The following SMARCE1 variants were observed in gnomAD, a reference collection of about 807,000 sequenced individuals.
SMARCE1 encodes the protein SWI/SNF related BAF chromatin remodeling complex subunit E1.
A neutral mutation model predicts 54.9 loss-of-function variants in SMARCE1; 13 were observed. That is an observed-to-expected ratio of 0.24 (90% CI 0.15 to 0.38). The LOEUF (loss-of-function observed/expected upper bound fraction) is 0.38, where lower values mean the gene tolerates loss of function less well. Ranked by LOEUF, SMARCE1 falls within the 10% of genes least tolerant of loss-of-function variation. The pLI, the probability that SMARCE1 is intolerant of heterozygous loss-of-function variation, is 1.00. For missense variants in SMARCE1, 295 were observed against 523.8 expected (o/e 0.56, Z 4.26); for synonymous variants, 151 against 175.3 (o/e 0.86, Z 1.10).
chr17:40,642,444 G>C lies in SMARCE1; in HGVS notation c.156+11C>G. On this transcript the variant is annotated intron_variant, in intron 4 of 10. Coordinates refer to ENST00000348513, the MANE Select transcript of SMARCE1 (RefSeq NM_003079.5). The surrounding 1 kb of genome is among the most constrained non-coding windows in gnomAD (Gnocchi z 4.6). ...TTGTTTGCCGGATGCTGTAATAGTT[G>C]ATTCTCCTACCGTGACCCGGCTGTT... 6.7e-7 allele frequency: 1 copy of C among 1,499,162 alleles called. No individual in the cohort carries two copies. Among genetic ancestry groups the C allele is most frequent in the Non-Finnish European group, 9.3e-7 (1 of 1,075,162 alleles). 92.9% of individuals were successfully genotyped at this position (1,499,162 alleles called of 1,614,324 possible).
In SMARCE1 at chr17:40,630,736, G is replaced by T; in HGVS notation, c.1005C>A (p.Asp335Glu). Residue 335 changes from aspartate to glutamate, a missense_variant, in exon 10 of 11, where the codon GAC (aspartate) becomes GAA (glutamate). Asp to Glu is a conservative substitution (Grantham distance 45). Around this residue, in one of 5 missense-constraint regions of SMARCE1, gnomAD observed 147 missense variants for 161.4 expected, o/e 0.91. Transcript: ENST00000348513. ...TACCTGTCTCCATCGGAATGTTCTC[G>T]TCGTCTTTCTTCTCCTCGCCTTTGT... The part of the protein sequence containing the change: ...AANKGEEKKD[D>E]ENIPMETEET... The T allele has an allele frequency of 1.2e-6, 2 of 1,614,036 alleles. No homozygotes were observed. Among genetic ancestry groups the T allele is most frequent in the Non-Finnish European group, 1.7e-6 (2 of 1,179,954 alleles).
At chr17:40,635,887 C>A (rs934377251) in intron 7 of SMARCE1, 44 bp downstream of exon 7, 1 of 1,399,396 alleles carries the variant, frequency 7.1e-7, no homozygotes, top group Non-Finnish European at 9.6e-7. Flanking sequence ...CATATCTTAA[C>A]TCACAGAGAA....
Position 40,628,448 on chromosome 17 carries a change from C to A in SMARCE1, c.*337G>T, listed in dbSNP as rs1597741013. 8 of 242,278 alleles carry A rather than the reference C, an allele frequency of 3.3e-5. No homozygotes were observed. Among genetic ancestry groups the A allele is most frequent in the Non-Finnish European group, 6.5e-5 (8 of 123,750 alleles). 15.0% of individuals were successfully genotyped at this position (242,278 alleles called of 1,614,324 possible). On this transcript the variant is annotated 3_prime_UTR_variant, in exon 11 of 11. Coordinates refer to ENST00000348513, the MANE Select transcript of SMARCE1 (RefSeq NM_003079.5). ...TTAAAGCTATGGCTTTGGTAAGCAC[C>A]CCAGTGAGCTGTAGGAAGGCATTGT...
Position 40,636,277 on chromosome 17 carries a change from A to C in SMARCE1, c.369+118T>G, listed in dbSNP as rs1353867110. On this transcript the variant is annotated intron_variant, in intron 6 of 10. Transcript: ENST00000348513. ...TGAGAAACTGACTTGACTCAGGTAGACAGAGCCTCAGTACTGCATCAGTGT... is the reference window on the plus strand; with the variant it reads ...TGAGAAACTGACTTGACTCAGGTAGCCAGAGCCTCAGTACTGCATCAGTGT... 8 of 1,220,490 alleles carry C rather than the reference A, an allele frequency of 6.6e-6. No individual in the cohort carries two copies. In the Admixed American group the frequency reaches 1.6e-4, roughly 25 times the overall value. 75.6% of individuals were successfully genotyped at this position (1,220,490 alleles called of 1,614,324 possible).
intron 4 of SMARCE1, among the ~76,000 whole-genome samples, chr17:40,638,520 G>A (rs559729903): frequency 6.6e-6 from 1 of 152,132 alleles, no homozygotes; most frequent in Admixed American, 6.5e-5. Flanking sequence ...TTTTTCCTGT[G>A]GCTTAAAGTC....
chr17:40,632,966 G>A (rs2037110239), intron 7 of SMARCE1: 1 of 152,440 alleles, frequency 6.6e-6, no homozygotes, highest in South Asian at 2.1e-4. Context: ...TTGTCAGTGT[G>A]TAATGGTATG....
rs1041637796 is a variant in SMARCE1 at position 40,627,007 on chromosome 17, A to G, written c.*1778T>C. On this transcript the variant is annotated 3_prime_UTR_variant, in exon 11 of 11. Transcript: ENST00000348513. Reference sequence around the variant, plus strand: ...CCATTCTCTTAGAGCTTTCGATACCACAGTAAATAACCTGGTATCTTGCTG... The same window carrying G: ...CCATTCTCTTAGAGCTTTCGATACCGCAGTAAATAACCTGGTATCTTGCTG... 1.3e-5 allele frequency: 2 copies of G among 152,150 alleles called. No homozygotes were observed. The highest frequency in any genetic ancestry group is 4.8e-5 in the African/African-American group (2 of 41,426). 9.4% of individuals were successfully genotyped at this position (152,150 alleles called of 1,614,324 possible).
rs1199946263 is a variant in SMARCE1 at position 40,642,829 on chromosome 17, T to C, written c.52-270A>G. 1.9e-5 allele frequency: 8 copies of C among 418,378 alleles called. No homozygotes were observed. Among genetic ancestry groups the C allele is most frequent in the Admixed American group, 4.2e-5 (1 of 23,742 alleles). The allele number at this position is 418,378 out of a possible 1,614,324, so 25.9% of individuals were successfully genotyped here. The stretch of plus-strand genomic sequence containing the variant: ...TGTGACTGTGAATGTGTGTTTTGTT[T>C]TTTGAGGTAAGCAACACACTGAAGT... On this transcript the variant is annotated intron_variant, in intron 3 of 10. Transcript: ENST00000348513. The surrounding 1 kb of genome is among the most constrained non-coding windows in gnomAD (Gnocchi z 4.6).
chr17:40,642,518 G>A lies in SMARCE1; in HGVS notation c.93C>T (p.Tyr31=). The part of the protein sequence containing the change: ...STPGFVGYNP[Y]SHLAYNNYRL... Reference sequence around the variant, plus strand: ...TGTAGTTGTTGTAGGCGAGATGACTGTATGGATTGTATCCCACAAACCCTG... The same window carrying A: ...TGTAGTTGTTGTAGGCGAGATGACTATATGGATTGTATCCCACAAACCCTG... Residue 31 remains tyrosine (Y), a synonymous_variant, in exon 4 of 11, where the codon TAC becomes TAT. Transcript: ENST00000348513. The surrounding 1 kb of genome is among the most constrained non-coding windows in gnomAD (Gnocchi z 4.6). The A allele has an allele frequency of 6.2e-7, 1 of 1,612,084 alleles. No individual in the cohort carries two copies. Among genetic ancestry groups the A allele is most frequent in the Non-Finnish European group, 8.5e-7 (1 of 1,179,452 alleles).
chr17:40,645,772 A>G, intron 2 of SMARCE1, 24 bp downstream of exon 2: 1 of 1,133,866 alleles, frequency 8.8e-7, no homozygotes, highest in Non-Finnish European at 1.2e-6. Context: ...ACATAGATTG[A>G]TAAATATAAA....
Position 40,628,677 on chromosome 17 carries a change from G to A in SMARCE1, c.*108C>T. On this transcript the variant is annotated 3_prime_UTR_variant, in exon 11 of 11. Coordinates refer to ENST00000348513, the MANE Select transcript of SMARCE1 (RefSeq NM_003079.5). ...ATGGTCCAAAAGCCTTTGGTGGTGT[G>A]ATATGGACAAGAAAAAAAATTAATA... The A allele has an allele frequency of 1.2e-6, 1 of 819,414 alleles. No individual in the cohort carries two copies. The highest frequency in any genetic ancestry group is 2.0e-6 in the Non-Finnish European group (1 of 501,866). The allele number at this position is 819,414 out of a possible 1,614,324, so 50.8% of individuals were successfully genotyped here.
Position 40,627,709 on chromosome 17 carries a change from C to A in SMARCE1, c.*1076G>T, listed in dbSNP as rs1212456214. On this transcript the variant is annotated 3_prime_UTR_variant, in exon 11 of 11. Coordinates refer to ENST00000348513, the MANE Select transcript of SMARCE1 (RefSeq NM_003079.5). Reference sequence around the variant, plus strand: ...TGTAGTGCATTAAAAACACTGAGACCTTTTTTTCATTTTTTTTTTTATTAC... The same window carrying A: ...TGTAGTGCATTAAAAACACTGAGACATTTTTTTCATTTTTTTTTTTATTAC... The A allele has an allele frequency of 1.2e-5, 1 of 84,776 alleles. No individual in the cohort carries two copies. The highest frequency in any genetic ancestry group is 2.3e-5 in the Non-Finnish European group (1 of 43,180). The allele number at this position is 84,776 out of a possible 1,614,324, so 5.3% of individuals were successfully genotyped here.
At chr17:40,646,677 T>A (rs1394560409) in intron 1 of SMARCE1, among the ~76,000 whole-genome samples, 1 of 152,224 alleles carries the variant, frequency 6.6e-6, no homozygotes, top group Non-Finnish European at 1.5e-5. Flanking sequence ...CATGTGAGCT[T>A]GTTCTTTACA....
intron 2 of SMARCE1, 85 bp from the exon 3 acceptor site, chr17:40,645,704 GAA>G: frequency 2.7e-6 from 3 of 1,116,668 alleles, no homozygotes; most frequent in South Asian, 1.9e-5. Context: ...CTGTTTTGAA[GAA>G]AAAAAAATGA....
chr17:40,638,836 A>G (rs1044760560), intron 4 of SMARCE1, among the ~76,000 whole-genome samples: 1 of 152,126 alleles, frequency 6.6e-6, no homozygotes, highest in Admixed American at 6.5e-5. Flanking sequence ...TGTTGTTGCT[A>G]TGATAAAACC....
At chr17:40,646,471 AT>A (rs1279522495) in intron 1 of SMARCE1, among the ~76,000 whole-genome samples, 1 of 152,208 alleles carries the variant, frequency 6.6e-6, no homozygotes, top group Non-Finnish European at 1.5e-5. Context: ...TTCTTGATAC[AT>A]TACCTGGGCA....
intron 10 of SMARCE1, chr17:40,630,243 C>T (rs750505289): frequency 6.5e-7 from 1 of 1,541,428 alleles, no homozygotes; most frequent in South Asian, 1.2e-5. Context: ...AATCAGTATA[C>T]CTAGAAGTAA....
chr17:40,631,280 C>T (rs181706449), intron 9 of SMARCE1: 40 of 321,004 alleles, frequency 1.2e-4, no homozygotes, highest in African/African-American at 4.3e-4. Context: ...CATTTAATGA[C>T]GACATTTGAT....
At chr17:40,639,596 T>C (rs1038917222) in intron 4 of SMARCE1, among the ~76,000 whole-genome samples, 2 of 152,106 alleles carry the variant, frequency 1.3e-5, no homozygotes, top group Non-Finnish European at 2.9e-5. Context: ...ACACAAATCA[T>C]CTGTATATTG....
Sources: gnomAD v4.1 joint callset for allele counts (sites outside exome capture counted in the v4.1 genomes callset) on GRCh38, gnomAD v4.1.1 for gene constraint, gnomAD v4.1.1 regional missense constraint, Gnocchi (gnomAD v3.1) non-coding constraint, MANE v1.5 for transcripts, NCBI Gene and HGNC (gene_info 2026-07-23, HGNC 2026-07-21) for gene names.